The following TRABD2B variants were observed in gnomAD, a reference collection of about 807,000 sequenced individuals.
TRABD2B encodes the protein TraB domain containing 2B.
A neutral mutation model predicts 40.1 loss-of-function variants in TRABD2B; 14 were observed. The ratio of observed to expected loss-of-function variants is 0.35; its 90% CI spans 0.23 to 0.55. The LOEUF (loss-of-function observed/expected upper bound fraction) is 0.55, where lower values mean the gene tolerates loss of function less well. TRABD2B is among the 20% of genes least tolerant of loss of function. The probability of loss-of-function intolerance (pLI) is 0.90; values close to 1 mark genes in which losing one functional copy is unlikely to be tolerated. For synonymous variants in TRABD2B, 263 were observed against 277.0 expected (o/e 0.95, Z 0.50); for missense variants, 541 against 648.6 (o/e 0.83, Z 1.80).
At chr1:47,809,608 C>G (rs975963135) in intron 2 of TRABD2B, among the ~76,000 whole-genome samples, 1 of 152,214 alleles carries the variant, frequency 6.6e-6, no homozygotes, top group Non-Finnish European at 1.5e-5. Flanking sequence ...CTGCCAGGCT[C>G]TGGCTGAGAT....
At chr1:47,846,657 A>G (rs1645474033) in intron 2 of TRABD2B, among the ~76,000 whole-genome samples, 2 of 152,132 alleles carry the variant, frequency 1.3e-5, no homozygotes, top group South Asian at 2.1e-4. Flanking sequence ...AAGGAAAAAA[A>G]TCCCTGCAGG....
rs535449200 is a variant in TRABD2B, at chr1:47,917,574, A to T, written c.666+76460T>A. 1.2e-3 allele frequency among the ~76,000 whole-genome samples: 187 copies of T among 152,170 alleles called. 1 individual carries two copies. Among genetic ancestry groups the T allele is most frequent in the African/African-American group, 3.6e-3 (150 of 41,526 alleles). On this transcript the variant is annotated intron_variant, in intron 2 of 6. Transcript: ENST00000606738. ...TGTGTCTATAAAAAATAAAATAAAA[A>T]AAAAAAGCCAAGCATGGTGGCATGT... is the stretch of plus-strand genomic sequence containing the variant.
At chr1:47,879,427 C>T (rs905093937) in intron 2 of TRABD2B, among the ~76,000 whole-genome samples, 2 of 152,148 alleles carry the variant, frequency 1.3e-5, no homozygotes, top group South Asian at 4.1e-4. Flanking sequence ...CAGCAACATG[C>T]TGTACAGGTT....
At chr1:47,986,010 C>G (rs1195920842) in intron 2 of TRABD2B, among the ~76,000 whole-genome samples, 1 of 152,120 alleles carries the variant, frequency 6.6e-6, no homozygotes, top group Non-Finnish European at 1.5e-5. Context: ...TCATACAGCT[C>G]AGCAACCCTG....
chr1:47,845,013 C>T (rs995033295), intron 2 of TRABD2B, among the ~76,000 whole-genome samples: 2 of 152,190 alleles, frequency 1.3e-5, no homozygotes, highest in Non-Finnish European at 2.9e-5. Flanking sequence ...CCTTCCAAGA[C>T]AGGTGGAGAC....
chr1:47,971,402 T>C (rs1376013176), intron 2 of TRABD2B, among the ~76,000 whole-genome samples: 1 of 152,234 alleles, frequency 6.6e-6, no homozygotes, highest in East Asian at 1.9e-4. Context: ...GCCTTGGGTA[T>C]AGTTATAAGT....
At position 47,996,381 on chromosome 1, in the gene TRABD2B, T is replaced by C. The variant is rs1646092259; in HGVS notation, c.102+307A>G. The stretch of plus-strand genomic sequence containing the variant: ...CAGAAGGGTAAAGACAGAAAAAATA[T>C]GAGAAAGGAGAGACAAAAAGGGGCA... On this transcript the variant is annotated intron_variant, in intron 1 of 6. Coordinates refer to ENST00000606738, the MANE Select transcript of TRABD2B (RefSeq NM_001194986.2). The surrounding 1 kb of genome is among the most constrained non-coding windows in gnomAD (Gnocchi z 4.6). Among the ~76,000 whole-genome samples the C allele has an allele frequency of 6.6e-6, 1 of 151,574 alleles. No homozygotes were observed. Among genetic ancestry groups the C allele is most frequent in the Non-Finnish European group, 1.5e-5 (1 of 67,888 alleles).
chr1:47,837,548 C>T lies in TRABD2B; in HGVS notation c.667-35929G>A, dbSNP rs377512147. ...TGCTCCCGCCAAGGTCCCCAAGAGCCTCCTGTGACTGTATCTGAGTTCAGT... is the reference window on the plus strand; with the variant it reads ...TGCTCCCGCCAAGGTCCCCAAGAGCTTCCTGTGACTGTATCTGAGTTCAGT... On this transcript the variant is annotated intron_variant, in intron 2 of 6. Coordinates refer to ENST00000606738, the MANE Select transcript of TRABD2B (RefSeq NM_001194986.2). Among the ~76,000 whole-genome samples, 20 of 152,276 alleles carry T rather than the reference C, an allele frequency of 1.3e-4. No homozygotes were observed. In the South Asian group the frequency reaches 2.9e-3, roughly 22 times the overall value.
intron 2 of TRABD2B, among the ~76,000 whole-genome samples, chr1:47,845,085 C>T (rs915350208): frequency 2.0e-5 from 3 of 152,170 alleles, no homozygotes; most frequent in Non-Finnish European, 2.9e-5. Context: ...GTCCATCAAT[C>T]TCCAGACGCT....
At chr1:47,934,489 C>T (rs753498525) in intron 2 of TRABD2B, among the ~76,000 whole-genome samples, 16 of 152,368 alleles carry the variant, frequency 1.1e-4, no homozygotes, top group Non-Finnish European at 1.3e-4. Context: ...TGGCTGCCAG[C>T]GGGAGGGGCA....
intron 4 of TRABD2B, among the ~76,000 whole-genome samples, chr1:47,791,544 G>T (rs1327461661): frequency 1.3e-5 from 2 of 152,118 alleles, no homozygotes; most frequent in Admixed American, 1.3e-4. Flanking sequence ...CAGGCAATGG[G>T]CTGCGAGAGC....
At chr1:47,970,056 CT>C in intron 2 of TRABD2B, among the ~76,000 whole-genome samples, 1 of 152,220 alleles carries the variant, frequency 6.6e-6, no homozygotes, top group African/African-American at 2.4e-5. Flanking sequence ...CACTCAAGCA[CT>C]TACTCATTTT....
chr1:47,918,624 G>A (rs1234515288), intron 2 of TRABD2B, among the ~76,000 whole-genome samples: 1 of 152,144 alleles, frequency 6.6e-6, no homozygotes, highest in African/African-American at 2.4e-5. Flanking sequence ...AGCAGGGGTA[G>A]AGGAGACCAC....
intron 3 of TRABD2B, among the ~76,000 whole-genome samples, chr1:47,799,954 T>C (rs141140918): frequency 3.5e-4 from 54 of 152,334 alleles, no homozygotes; most frequent in South Asian, 1.7e-3. Context: ...ATCTTCCCTA[T>C]GTGACTGTAA....
chr1:47,887,246 G>A (rs563797495), intron 2 of TRABD2B, among the ~76,000 whole-genome samples: 26 of 152,310 alleles, frequency 1.7e-4, no homozygotes, highest in South Asian at 1.2e-3. Context: ...CATAGCAACT[G>A]AGGCTCAGAG....
chr1:47,895,117 T>C (rs1374521526), intron 2 of TRABD2B, among the ~76,000 whole-genome samples: 1 of 152,066 alleles, frequency 6.6e-6, no homozygotes, highest in Non-Finnish European at 1.5e-5. Context: ...CCCAAGGATA[T>C]AGATTTGACA....
rs1022080584 is a variant in TRABD2B, at chr1:47,790,775, C to T, written c.988+3811G>A. The stretch of plus-strand genomic sequence containing the variant: ...CATTAAAATCCATCTCGTGGTGTTA[C>T]GTAATCAGAGAGCCTGGAATGGTGG... On this transcript the variant is annotated intron_variant, in intron 4 of 6. Transcript: ENST00000606738. Among the ~76,000 whole-genome samples, 7 of 152,298 alleles carry T rather than the reference C, an allele frequency of 4.6e-5. No individual in the cohort carries two copies. The South Asian group carries it at 8.3e-4, about 18-fold the overall frequency.
Position 47,775,248 on chromosome 1 carries a change from T to C in TRABD2B, c.1271A>G (p.Gln424Arg). Reference protein sequence around the residue: ...SLSQLEEFGRQRKWHKRQSTH... With the variant: ...SLSQLEEFGRRRKWHKRQSTH... ...GCTCTGCCTCTTGTGCCACTTCCTC[T>C]GCCGGCCAAACTCCTCCAGCTGGCT... Residue 424 changes from glutamine (Q) to arginine (R), a missense_variant, in exon 6 of 7, where the codon CAG (glutamine) becomes CGG (arginine). By Grantham distance (43) the Gln-to-Arg change is conservative. This residue lies in a region of TRABD2B where 172 missense variants were observed against 155.8 expected (regional missense o/e 1.10). Coordinates refer to ENST00000606738, the MANE Select transcript of TRABD2B (RefSeq NM_001194986.2). 1 of 1,254,358 alleles carries C rather than the reference T, an allele frequency of 8.0e-7. No homozygotes were observed. The highest frequency in any genetic ancestry group is 3.1e-5 in the East Asian group (1 of 32,196). The allele number at this position is 1,254,358 out of a possible 1,614,324, so 77.7% of individuals were successfully genotyped here. A position where few individuals can be genotyped will look rare whatever the true frequency, so the allele number is the denominator to read the frequency against.
rs149522962 is a variant in TRABD2B at position 47,921,981 on chromosome 1, CAG to C, written c.666+72051_666+72052del. ...CAGTTGACAAGTAAGGAAACATGTT[CAG>C]AGAGGGAAAGTAAGCTGTCCATGGT... On this transcript the variant is annotated intron_variant, in intron 2 of 6. Transcript: ENST00000606738. Among the ~76,000 whole-genome samples, 159 of 152,268 alleles carry C rather than the reference CAG, an allele frequency of 1.0e-3. 3 individuals carry two copies. The East Asian group carries it at 0.028, about 26-fold the overall frequency.
Sources: gnomAD v4.1 joint callset for allele counts (sites outside exome capture counted in the v4.1 genomes callset) on GRCh38, gnomAD v4.1.1 for gene constraint, gnomAD v4.1.1 regional missense constraint, Gnocchi (gnomAD v3.1) non-coding constraint, MANE v1.5 for transcripts, NCBI Gene and HGNC (gene_info 2026-07-23, HGNC 2026-07-21) for gene names.